Variants in CACNG5 observed in about 807,000 individuals in gnomAD.
CACNG5 encodes calcium voltage-gated channel auxiliary subunit gamma 5.
In CACNG5, 18 loss-of-function variants were observed where a neutral mutation model predicts 24.8. The ratio of observed to expected loss-of-function variants is 0.73; its 90% CI spans 0.50 to 1.08. CACNG5 has a LOEUF of 1.08. CACNG5 is among the 50% of genes least tolerant of loss of function. CACNG5 has a pLI of 0.00. For missense variants in CACNG5, 349 were observed against 367.9 expected, an observed-to-expected ratio of 0.95 and a Z score of 0.42; for synonymous variants, 157 against 149.1, an observed-to-expected ratio of 1.05 and a Z score of -0.39.
chr17:66,872,189 C>T (rs996138054), intron 1 of CACNG5, among the ~76,000 whole-genome samples: 11 of 152,142 alleles, frequency 7.2e-5, no homozygotes, highest in Admixed American at 6.5e-4. Flanking sequence ...ATTTTGTATA[C>T]GGTTGAGTTT....
chr17:66,852,325 C>T (rs1976717644), intron 1 of CACNG5, among the ~76,000 whole-genome samples: 1 of 152,252 alleles, frequency 6.6e-6, no homozygotes, highest in African/African-American at 2.4e-5. Context: ...TTGCAGGCGG[C>T]CTGTTGTGGG....
At chr17:66,862,982 G>A (rs1307209416) in intron 1 of CACNG5, among the ~76,000 whole-genome samples, 3 of 150,986 alleles carry the variant, frequency 2.0e-5, no homozygotes, top group African/African-American at 4.9e-5. Flanking sequence ...GGTGGATATT[G>A]TATGTTTGTT....
chr17:66,871,719 G>A lies in CACNG5; in HGVS notation c.-103-5511G>A, dbSNP rs539402423. 3.3e-5 allele frequency among the ~76,000 whole-genome samples: 5 copies of A among 152,230 alleles called. No individual in the cohort carries two copies. The East Asian group carries it at 5.8e-4, about 18-fold the overall frequency. ...CTAAAAATACAAAAAAATTAGCCGG[G>A]CGTGGTGGCAGGCACCTGTAGTCCC... On this transcript the variant is annotated intron_variant, in intron 1 of 5. Transcript: ENST00000533854.
At chr17:66,836,712 C>A (rs1598040656) in intron 1 of CACNG5, among the ~76,000 whole-genome samples, 1 of 152,230 alleles carries the variant, frequency 6.6e-6, no homozygotes, top group Non-Finnish European at 1.5e-5. Flanking sequence ...CAAACCTCCT[C>A]TCTCTTGTCA....
At chr17:66,866,520 G>A (rs1246007958) in intron 1 of CACNG5, among the ~76,000 whole-genome samples, 1 of 152,120 alleles carries the variant, frequency 6.6e-6, no homozygotes, top group Non-Finnish European at 1.5e-5. Flanking sequence ...CTAGGTAAAT[G>A]TGTGTCATGG....
intron 1 of CACNG5, among the ~76,000 whole-genome samples, chr17:66,858,738 C>T (rs58588637): frequency 6.9e-6 from 1 of 144,382 alleles, no homozygotes; most frequent in East Asian, 2.3e-4. Flanking sequence ...AGTGAAATCT[C>T]CCCCTGCATC....
intron 1 of CACNG5, among the ~76,000 whole-genome samples, chr17:66,855,708 G>A (rs943560899): frequency 1.3e-5 from 2 of 152,094 alleles, no homozygotes; most frequent in African/African-American, 4.8e-5. Context: ...TGTTGGTCAG[G>A]CTGGTCTTGA....
Position 66,888,742 on chromosome 17 carries a change from G to A in CACNG5, c.*3502G>A, listed in dbSNP as rs993324909. Among the ~76,000 whole-genome samples, 3 of 152,002 alleles carry A rather than the reference G, an allele frequency of 2.0e-5. No homozygotes were observed. The highest frequency in any genetic ancestry group is 4.4e-5 in the Non-Finnish European group (3 of 68,002). On this transcript the variant is annotated 3_prime_UTR_variant, in exon 6 of 6. Coordinates refer to ENST00000533854, the MANE Select transcript of CACNG5 (RefSeq NM_145811.3). ...TGGAATGTTTCTGTGTGTGGGAGAA[G>A]TTTATGGCAGGGTTGGAAAGTCTCT...
rs527827479 is a variant in CACNG5, at chr17:66,891,986, G to A, written c.*6746G>A. ...TCTGAAATTTGTTTAAAGCTCTCCA[G>A]ATGGTTCTAATGTGAAACCAGGGTT... is the stretch of plus-strand genomic sequence containing the variant. On this transcript the variant is annotated 3_prime_UTR_variant, in exon 6 of 6. Transcript: ENST00000533854. Among the ~76,000 whole-genome samples, 1 of 152,366 alleles carries A rather than the reference G, an allele frequency of 6.6e-6. No individual in the cohort carries two copies. Among genetic ancestry groups the A allele is most frequent in the South Asian group, 2.1e-4 (1 of 4,834 alleles).
In CACNG5 at chr17:66,885,020, G is replaced by A. The variant is rs1230744913; in HGVS notation, c.608G>A (p.Arg203Gln). The A allele has an allele frequency of 5.0e-6, 8 of 1,613,978 alleles. No homozygotes were observed. Among genetic ancestry groups the A allele is most frequent in the Middle Eastern group, 1.6e-4 (1 of 6,084 alleles). The change falls in exon 6 of 6, where the codon CGG (arginine) becomes CAG (glutamine). Residue 203 changes from arginine (R) to glutamine (Q), a missense_variant. By Grantham distance (43) the Arg-to-Gln change is conservative. Coordinates refer to ENST00000533854, the MANE Select transcript of CACNG5 (RefSeq NM_145811.3). Reference sequence around the variant, plus strand: ...ATGTCTGTGTACCTGTTTATGAAGCGGTACACCGCGGAGGACATGTACAGG... The same window carrying A: ...ATGTCTGTGTACCTGTTTATGAAGCAGTACACCGCGGAGGACATGTACAGG... ...GVMSVYLFMK[R>Q]YTAEDMYRPH...
intron 1 of CACNG5, among the ~76,000 whole-genome samples, chr17:66,864,453 TATCTC>T (rs1379769355): frequency 6.6e-6 from 1 of 152,220 alleles, no homozygotes; most frequent in Non-Finnish European, 1.5e-5. Context: ...ATATAAGTCT[TATCTC>T]AATGCATTTC....
rs11079670 is a variant in CACNG5 at position 66,886,087 on chromosome 17, C to T, written c.*847C>T. ...ATCGGGCTGGTCTGAGTTCCTATTACCAGACACTGTTTCTGGTCCTGGGGA... is the reference window on the plus strand; with the variant it reads ...ATCGGGCTGGTCTGAGTTCCTATTATCAGACACTGTTTCTGGTCCTGGGGA... On this transcript the variant is annotated 3_prime_UTR_variant, in exon 6 of 6. Transcript: ENST00000533854. Among the ~76,000 whole-genome samples the T allele has an allele frequency of 0.28, 42,641 of 152,152 alleles. 7,893 individuals carry two copies. The highest frequency in any genetic ancestry group is 0.53 in the African/African-American group (21,880 of 41,494).
At chr17:66,857,136 A>T (rs566860003) in intron 1 of CACNG5, among the ~76,000 whole-genome samples, 1 of 134,842 alleles carries the variant, frequency 7.4e-6, no homozygotes, top group Non-Finnish European at 1.5e-5. Flanking sequence ...GGGACACTAC[A>T]GCCTCCTCCT....
At chr17:66,870,344 C>T (rs1976988160) in intron 1 of CACNG5, among the ~76,000 whole-genome samples, 1 of 152,156 alleles carries the variant, frequency 6.6e-6, no homozygotes, top group Non-Finnish European at 1.5e-5. Flanking sequence ...TTTAATTGGG[C>T]TGTCAAGCAG....
intron 1 of CACNG5, among the ~76,000 whole-genome samples, chr17:66,839,266 A>C (rs1014054611): frequency 4.1e-5 from 6 of 145,934 alleles, no homozygotes; most frequent in African/African-American, 1.5e-4. Context: ...GGCCACCCCC[A>C]CCCATTCTGA....
chr17:66,848,654 G>T (rs1976669490), intron 1 of CACNG5, among the ~76,000 whole-genome samples: 1 of 152,150 alleles, frequency 6.6e-6, no homozygotes, highest in Non-Finnish European at 1.5e-5. Flanking sequence ...TTTTACCTTG[G>T]CAGGGGAGAC....
At chr17:66,847,832 C>T (rs1976657240) in intron 1 of CACNG5, among the ~76,000 whole-genome samples, 1 of 152,182 alleles carries the variant, frequency 6.6e-6, no homozygotes, top group Non-Finnish European at 1.5e-5. Flanking sequence ...ACTGGGCCAA[C>T]CTCACCTTGC....
Position 66,890,296 on chromosome 17 carries a change from A to C in CACNG5, c.*5056A>C, listed in dbSNP as rs1977324810. Among the ~76,000 whole-genome samples the C allele has an allele frequency of 6.6e-6, 1 of 152,142 alleles. No individual in the cohort carries two copies. The highest frequency in any genetic ancestry group is 2.4e-5 in the African/African-American group (1 of 41,442). ...CAGTGGTCACCACTACAGGGGGTGG[A>C]GGGTGGTACGCTGGAGCCAGTCAGA... is the stretch of plus-strand genomic sequence containing the variant. On this transcript the variant is annotated 3_prime_UTR_variant, in exon 6 of 6. Transcript: ENST00000533854.
intron 1 of CACNG5, among the ~76,000 whole-genome samples, chr17:66,867,092 T>TA (rs1223386529): frequency 5.9e-5 from 9 of 152,234 alleles, no homozygotes; most frequent in African/African-American, 2.2e-4. Flanking sequence ...ACCAACAGTG[T>TA]AAAAGCACTC....
Sources: allele counts gnomAD v4.1 joint callset (sites outside exome capture counted in the v4.1 genomes callset), GRCh38; gene constraint gnomAD v4.1.1; transcripts MANE v1.5; gene names NCBI Gene and HGNC (gene_info 2026-07-23, HGNC 2026-07-21).